Variants in SH3RF3 observed in about 807,000 individuals in gnomAD.
SH3RF3 encodes E3 ubiquitin-protein ligase SH3RF3.
A neutral mutation model predicts 66.3 loss-of-function variants in SH3RF3; 29 were observed. That is an observed-to-expected ratio of 0.44 (90% CI 0.33 to 0.60). SH3RF3 has a LOEUF of 0.60. Ranked by LOEUF, SH3RF3 falls within the 20% of genes least tolerant of loss-of-function variation. The probability of loss-of-function intolerance (pLI) is 0.04; values close to 1 mark genes in which losing one functional copy is unlikely to be tolerated. For missense variants in SH3RF3, 1,194 were observed against 1,190.9 expected, an observed-to-expected ratio of 1.00 and a Z score of -0.04; for synonymous variants, 583 against 532.0, an observed-to-expected ratio of 1.10 and a Z score of -1.32.
chr2:109,259,395 G>T (rs146573521), intron 1 of SH3RF3, among the ~76,000 whole-genome samples: 140 of 152,330 alleles, frequency 9.2e-4, no homozygotes, highest in African/African-American at 3.2e-3. Flanking sequence ...GCAAGGGGAG[G>T]CTGGGCCTCC....
intron 1 of SH3RF3, among the ~76,000 whole-genome samples, chr2:109,287,309 G>C (rs148972610): frequency 1.8e-3 from 268 of 152,228 alleles, no homozygotes; most frequent in Middle Eastern, 0.01. Flanking sequence ...CTGATGCCCT[G>C]GTGGAGAGGC....
chr2:109,202,253 C>T (rs935423576), intron 1 of SH3RF3, among the ~76,000 whole-genome samples: 2 of 152,174 alleles, frequency 1.3e-5, no homozygotes, highest in Non-Finnish European at 2.9e-5. Flanking sequence ...CCCACCTTGC[C>T]TCCAGTGCTG....
chr2:109,145,937 C>T (rs1395044669), intron 1 of SH3RF3, among the ~76,000 whole-genome samples: 1 of 152,152 alleles, frequency 6.6e-6, no homozygotes. Flanking sequence ...GTTCATGTCT[C>T]CCTCCCCACA....
chr2:109,450,158 CAACATGGCAA>C (rs1339671653), intron 8 of SH3RF3, among the ~76,000 whole-genome samples: 1 of 152,034 alleles, frequency 6.6e-6, no homozygotes, highest in Non-Finnish European at 1.5e-5. Flanking sequence ...CCAGCCTGGC[CAACATGGCAA>C]AACCCCATCT....
rs115509253 is a variant in SH3RF3 at position 109,485,024 on chromosome 2, C to T, written c.2149-5581C>T. On this transcript the variant is annotated intron_variant, in intron 8 of 9. Transcript: ENST00000309415. ...TCCCCTTCTGGTGCTGAAAATAGTA[C>T]GTAACCCATCAGCGTGTGCAGCGCA... 3.6e-3 allele frequency among the ~76,000 whole-genome samples: 551 copies of T among 152,336 alleles called. 5 individuals are homozygous for T. Among genetic ancestry groups the T allele is most frequent in the African/African-American group, 0.013 (530 of 41,566 alleles).
intron 1 of SH3RF3, among the ~76,000 whole-genome samples, chr2:109,244,411 T>C (rs952286850): frequency 7.2e-5 from 11 of 152,228 alleles, no homozygotes; most frequent in African/African-American, 2.2e-4. Flanking sequence ...ATTCAGTCTT[T>C]AGGCAAAACC....
At chr2:109,163,508 C>T (rs1482686927) in intron 1 of SH3RF3, among the ~76,000 whole-genome samples, 1 of 142,066 alleles carries the variant, frequency 7.0e-6, no homozygotes, top group Non-Finnish European at 1.5e-5. Context: ...ACGCCATTCT[C>T]CTGCCTCAGC....
chr2:109,414,790 C>T (rs1559070915), intron 4 of SH3RF3, among the ~76,000 whole-genome samples: 1 of 152,226 alleles, frequency 6.6e-6, no homozygotes, highest in Non-Finnish European at 1.5e-5. Context: ...AGCAGCATTT[C>T]CATCTGGCCA....
chr2:109,163,033 A>ATG (rs1179314549), intron 1 of SH3RF3, among the ~76,000 whole-genome samples: 1 of 152,208 alleles, frequency 6.6e-6, no homozygotes, highest in Non-Finnish European at 1.5e-5. Flanking sequence ...CAAAGTCTGT[A>ATG]TAGTGATAGC....
intron 5 of SH3RF3, among the ~76,000 whole-genome samples, chr2:109,428,745 A>C (rs1393969625): frequency 2.0e-5 from 3 of 152,230 alleles, no homozygotes; most frequent in Non-Finnish European, 2.9e-5. Context: ...ATGTCTGAGC[A>C]TGCAGGGTGG....
intron 1 of SH3RF3, among the ~76,000 whole-genome samples, chr2:109,150,667 T>G (rs892943988): frequency 6.6e-6 from 1 of 152,034 alleles, no homozygotes; most frequent in Non-Finnish European, 1.5e-5. Flanking sequence ...CTGCCTCTGG[T>G]TCCAGTCTGG....
At chr2:109,371,844 A>G (rs997371123) in intron 3 of SH3RF3, among the ~76,000 whole-genome samples, 163 bp downstream of exon 3, 2 of 152,144 alleles carry the variant, frequency 1.3e-5, no homozygotes, top group Admixed American at 1.3e-4. Context: ...GATTCACCTC[A>G]TGGGGTCAGT....
At chr2:109,489,777 AC>A (rs1558642868) in intron 8 of SH3RF3, among the ~76,000 whole-genome samples, 1 of 151,854 alleles carries the variant, frequency 6.6e-6, no homozygotes, top group African/African-American at 2.4e-5. Flanking sequence ...TCGCTCTGTC[AC>A]CCAGGCTGGA....
intron 3 of SH3RF3, among the ~76,000 whole-genome samples, chr2:109,398,324 G>A (rs546388586): frequency 1.4e-4 from 21 of 152,256 alleles, no homozygotes; most frequent in Admixed American, 1.3e-3. Flanking sequence ...AGATTGGGGC[G>A]ACAAGGTAGT....
chr2:109,451,944 G>A (rs567440129), intron 8 of SH3RF3, among the ~76,000 whole-genome samples: 74 of 152,314 alleles, frequency 4.9e-4, no homozygotes, highest in African/African-American at 1.7e-3. Context: ...GGCCCTCTGA[G>A]CTTATGTCCA....
chr2:109,130,455 C>T (rs1676664148), intron 1 of SH3RF3, among the ~76,000 whole-genome samples: 1 of 152,184 alleles, frequency 6.6e-6, no homozygotes, highest in Non-Finnish European at 1.5e-5. Flanking sequence ...CTCTGGGTCC[C>T]CAGACACTCC....
intron 2 of SH3RF3, among the ~76,000 whole-genome samples, chr2:109,362,995 TTG>T (rs1425581177): frequency 6.6e-6 from 1 of 152,208 alleles, no homozygotes; most frequent in Non-Finnish European, 1.5e-5. Flanking sequence ...TAGTTGTATC[TTG>T]TTTTATTTTA....
chr2:109,362,185 A>G (rs1210885948), intron 2 of SH3RF3, among the ~76,000 whole-genome samples: 6 of 152,044 alleles, frequency 3.9e-5, no homozygotes, highest in Non-Finnish European at 7.4e-5. Flanking sequence ...CTTCTTTTCT[A>G]ATCGATGCAT....
At chr2:109,181,256 C>T (rs1678067717) in intron 1 of SH3RF3, among the ~76,000 whole-genome samples, 1 of 152,130 alleles carries the variant, frequency 6.6e-6, no homozygotes, top group Non-Finnish European at 1.5e-5. Context: ...TTCCTGTATA[C>T]CCCTTGCCCA....
Sources: allele counts gnomAD v4.1 joint callset (sites outside exome capture counted in the v4.1 genomes callset), GRCh38; gene constraint gnomAD v4.1.1; transcripts MANE v1.5; gene names NCBI Gene and HGNC (gene_info 2026-07-23, HGNC 2026-07-21).